Variants in CNTNAP5 observed in about 807,000 individuals in gnomAD.
The protein encoded by CNTNAP5 is contactin-associated protein-like 5.
Under a neutral mutation model 150.2 loss-of-function variants are expected in CNTNAP5, and 72 were observed. The ratio of observed to expected loss-of-function variants is 0.48; its 90% confidence interval spans 0.40 to 0.58. The LOEUF is 0.58. Among genes scored for constraint, CNTNAP5 ranks in the 20% least tolerant of loss-of-function variants. The pLI is 0.00. For missense variants in CNTNAP5, 1,636 were observed against 1,626.2 expected (o/e 1.01, Z -0.10); for synonymous variants, 672 against 619.8 (o/e 1.08, Z -1.25).
At chr2:124,451,557 A>C (rs565898378) in intron 6 of CNTNAP5, among the ~76,000 whole-genome samples, 110 of 152,248 alleles carry the variant, frequency 7.2e-4, no homozygotes, top group Non-Finnish European at 1.3e-3. Flanking sequence ...TGCAGTTCCC[A>C]CTCAGACAGG....
At chr2:124,871,912 A>T (rs1677757556) in intron 21 of CNTNAP5, among the ~76,000 whole-genome samples, 1 of 152,022 alleles carries the variant, frequency 6.6e-6, no homozygotes, top group African/African-American at 2.4e-5. Flanking sequence ...TTCTCAACAT[A>T]TCAAATCTTG....
intron 19 of CNTNAP5, among the ~76,000 whole-genome samples, chr2:124,823,245 C>T (rs556214725): frequency 6.6e-6 from 1 of 152,152 alleles, no homozygotes; most frequent in African/African-American, 2.4e-5. Flanking sequence ...TCTGGGAAAG[C>T]TACCTAAGAC....
At chr2:124,339,773 T>G (rs1689564635) in intron 3 of CNTNAP5, among the ~76,000 whole-genome samples, 1 of 152,092 alleles carries the variant, frequency 6.6e-6, no homozygotes, top group African/African-American at 2.4e-5. Flanking sequence ...GTTAGGTTTT[T>G]GTAGACATTT....
chr2:124,783,224 G>C (rs923446310), intron 17 of CNTNAP5, among the ~76,000 whole-genome samples: 28 of 152,104 alleles, frequency 1.8e-4, no homozygotes, highest in African/African-American at 6.8e-4. Context: ...ATATATTCCT[G>C]TGCACTTTTG....
intron 10 of CNTNAP5, among the ~76,000 whole-genome samples, chr2:124,559,860 G>T (rs543265301): frequency 2.0e-5 from 3 of 152,290 alleles, no homozygotes; most frequent in South Asian, 4.1e-4. Flanking sequence ...ATCACAGTGT[G>T]CATTGAACCA....
At chr2:124,426,197 C>A (rs920180491) in intron 4 of CNTNAP5, among the ~76,000 whole-genome samples, 2 of 152,038 alleles carry the variant, frequency 1.3e-5, no homozygotes, top group Non-Finnish European at 2.9e-5. Context: ...GAAACGCATC[C>A]TGTTTTTTCA....
rs557836961 is a variant in CNTNAP5 at position 124,733,590 on chromosome 2, A to G, written c.2078-13639A>G. On this transcript the variant is annotated intron_variant, in intron 13 of 23. Transcript: ENST00000682447. ...TAACAACCCAATTTGATTGAGGAAGAACATCTGTCTAGGAAAGTAGACCAA... is the reference window on the plus strand; with the variant it reads ...TAACAACCCAATTTGATTGAGGAAGGACATCTGTCTAGGAAAGTAGACCAA... Among the ~76,000 whole-genome samples, 8 of 152,308 alleles carry G rather than the reference A, an allele frequency of 5.3e-5. No homozygotes were observed. In the South Asian group the frequency reaches 1.7e-3, roughly 32 times the overall value.
At chr2:124,439,869 C>T (rs1692631157) in intron 5 of CNTNAP5, among the ~76,000 whole-genome samples, 1 of 152,170 alleles carries the variant, frequency 6.6e-6, no homozygotes, top group Non-Finnish European at 1.5e-5. Flanking sequence ...TTTTCTACAG[C>T]TCCCTGTTTT....
intron 12 of CNTNAP5, among the ~76,000 whole-genome samples, chr2:124,614,404 A>G (rs1031346805): frequency 5.9e-5 from 9 of 152,182 alleles, no homozygotes; most frequent in African/African-American, 1.7e-4. Context: ...AAAGTAAAAG[A>G]ATAAAGAATA....
intron 3 of CNTNAP5, among the ~76,000 whole-genome samples, chr2:124,337,788 A>T (rs2104687959): frequency 6.6e-6 from 1 of 152,036 alleles, no homozygotes; most frequent in Admixed American, 6.6e-5. Context: ...CTTGTAGTAT[A>T]GTTTGAAGTC....
intron 7 of CNTNAP5, among the ~76,000 whole-genome samples, chr2:124,491,969 GT>G (rs1300711285): frequency 1.3e-5 from 2 of 151,844 alleles, no homozygotes; most frequent in African/African-American, 4.8e-5. Flanking sequence ...TGTTTGTTTT[GT>G]TTTTTGCTAT....
intron 3 of CNTNAP5, among the ~76,000 whole-genome samples, chr2:124,389,163 A>G (rs969381522): frequency 1.3e-5 from 2 of 152,212 alleles, no homozygotes; most frequent in African/African-American, 4.8e-5. Context: ...TCTGTCCTGT[A>G]ATGTTTAGGC....
At chr2:124,710,298 T>A (rs1207905030) in intron 13 of CNTNAP5, among the ~76,000 whole-genome samples, 1 of 152,180 alleles carries the variant, frequency 6.6e-6, no homozygotes, top group African/African-American at 2.4e-5. Context: ...AAAAGCACTG[T>A]ATGGGCAACA....
intron 1 of CNTNAP5, among the ~76,000 whole-genome samples, chr2:124,053,381 A>G (rs984799081): frequency 6.6e-6 from 1 of 152,192 alleles, no homozygotes; most frequent in African/African-American, 2.4e-5. Context: ...TTGTACATAC[A>G]TTTTAAGTGC....
chr2:124,038,760 G>A (rs756735572), intron 1 of CNTNAP5, among the ~76,000 whole-genome samples: 1 of 152,154 alleles, frequency 6.6e-6, no homozygotes, highest in Non-Finnish European at 1.5e-5. Context: ...TGTAGGTACC[G>A]TGTGAAGACT....
chr2:124,102,981 A>C (rs1683096900), intron 1 of CNTNAP5, among the ~76,000 whole-genome samples: 1 of 152,200 alleles, frequency 6.6e-6, no homozygotes, highest in South Asian at 2.1e-4. Flanking sequence ...GTCATGCACC[A>C]CATCACAACA....
At chr2:124,841,700 G>A (rs1682948817) in intron 19 of CNTNAP5, among the ~76,000 whole-genome samples, 1 of 152,080 alleles carries the variant, frequency 6.6e-6, no homozygotes, top group Admixed American at 6.6e-5. Context: ...TCTGTAGCCA[G>A]TGTCCACACC....
chr2:124,208,534 GC>G (rs998389050), intron 1 of CNTNAP5, among the ~76,000 whole-genome samples: 3 of 152,138 alleles, frequency 2.0e-5, no homozygotes, highest in African/African-American at 7.2e-5. Context: ...CCTGAGCTCT[GC>G]CCATGCCCTT....
intron 1 of CNTNAP5, among the ~76,000 whole-genome samples, chr2:124,173,873 A>G (rs1684997243): frequency 6.6e-6 from 1 of 152,230 alleles, no homozygotes; most frequent in Non-Finnish European, 1.5e-5. Flanking sequence ...GGAGAAGTCA[A>G]TGCCTATTTT....
Sources: allele counts gnomAD v4.1 joint callset (sites outside exome capture counted in the v4.1 genomes callset), GRCh38; gene constraint gnomAD v4.1.1; transcripts MANE v1.5; gene names NCBI Gene and HGNC (gene_info 2026-07-23, HGNC 2026-07-21).